Variants in PDE11A observed in about 807,000 individuals in gnomAD.
The protein encoded by PDE11A is phosphodiesterase 11A.
In PDE11A, 100 loss-of-function variants were observed where a neutral mutation model predicts 100.5. The observed-to-expected ratio is 1.00, with a 90% CI of 0.85 to 1.18. PDE11A has a LOEUF of 1.18. PDE11A is among the 50% of genes most tolerant of loss of function. The pLI is 0.00. For synonymous variants in PDE11A, 381 were observed against 420.8 expected (o/e 0.91, Z 1.16); for missense variants, 1,141 against 1,152.6 (o/e 0.99, Z 0.15).
At chr2:177,888,348 T>C (rs1014751531) in intron 4 of PDE11A, among the ~76,000 whole-genome samples, 1 of 152,128 alleles carries the variant, frequency 6.6e-6, no homozygotes, top group Non-Finnish European at 1.5e-5. Context: ...CAGGTATATA[T>C]GGAAACTATA....
intron 15 of PDE11A, 113 bp downstream of exon 15, chr2:177,697,219 G>C (rs2886424): frequency 0.81 from 576,493 of 711,706 alleles, 234,633 homozygotes; most frequent in Admixed American, 0.88. Flanking sequence ...AAGTTTAGCT[G>C]GTTTACACAT....
chr2:178,062,294 G>A (rs1431412006), intron 1 of PDE11A, among the ~76,000 whole-genome samples: 1 of 149,750 alleles, frequency 6.7e-6, no homozygotes, highest in Non-Finnish European at 1.5e-5. Context: ...CAAAGATGGG[G>A]AAGTGAGAGA....
intron 9 of PDE11A, among the ~76,000 whole-genome samples, chr2:177,783,573 A>C (rs1260197853): frequency 6.6e-6 from 1 of 152,236 alleles, no homozygotes; most frequent in Non-Finnish European, 1.5e-5. Flanking sequence ...TATTCCTTGC[A>C]ATATAGGCAA....
intron 4 of PDE11A, among the ~76,000 whole-genome samples, chr2:177,878,556 G>T (rs2084278123): frequency 6.6e-6 from 1 of 152,152 alleles, no homozygotes; most frequent in African/African-American, 2.4e-5. Flanking sequence ...TCCTGCAAAT[G>T]AGGGATTTTT....
Position 178,010,315 on chromosome 2 carries a change from T to C in PDE11A, c.1071+3987A>G, listed in dbSNP as rs13405581. Among the ~76,000 whole-genome samples the C allele has an allele frequency of 9.8e-3, 1,499 of 152,340 alleles. 21 individuals carry two copies. Among genetic ancestry groups the C allele is most frequent in the African/African-American group, 0.034 (1,425 of 41,564 alleles). On this transcript the variant is annotated intron_variant, in intron 2 of 19. Transcript: ENST00000286063. ...ACTTGTAGGCAACATTGAAATTACTTTGGTTGCTGCAGTTTATGCTATTGA... is the reference window on the plus strand; with the variant it reads ...ACTTGTAGGCAACATTGAAATTACTCTGGTTGCTGCAGTTTATGCTATTGA...
intron 10 of PDE11A, among the ~76,000 whole-genome samples, chr2:177,745,654 TG>T (rs2081937445): frequency 6.6e-6 from 1 of 152,182 alleles, no homozygotes; most frequent in Admixed American, 6.5e-5. Context: ...CTGGCCTCTC[TG>T]GGCCACATCA....
chr2:177,890,218 G>T (rs566632227), intron 4 of PDE11A, among the ~76,000 whole-genome samples: 2 of 152,188 alleles, frequency 1.3e-5, no homozygotes, highest in South Asian at 4.2e-4. Context: ...GCAGCTGCAG[G>T]GTGACTTGCC....
At chr2:177,804,184 G>A (rs2082833069) in intron 9 of PDE11A, among the ~76,000 whole-genome samples, 1 of 151,812 alleles carries the variant, frequency 6.6e-6, no homozygotes, top group Admixed American at 6.6e-5. Flanking sequence ...CACAGAATGG[G>A]CAAAAAGTTT....
At chr2:177,857,323 A>T (rs145870880) in intron 5 of PDE11A, among the ~76,000 whole-genome samples, 39 of 152,112 alleles carry the variant, frequency 2.6e-4, no homozygotes, top group African/African-American at 8.7e-4. Flanking sequence ...TGAAATGAAA[A>T]GATACTAGGG....
intron 10 of PDE11A, among the ~76,000 whole-genome samples, chr2:177,763,807 G>A (rs1338791002): frequency 6.6e-6 from 1 of 152,228 alleles, no homozygotes; most frequent in Non-Finnish European, 1.5e-5. Flanking sequence ...GATTGCACAG[G>A]GCGGTGGCTA....
intron 9 of PDE11A, among the ~76,000 whole-genome samples, chr2:177,796,176 A>C (rs1306837857): frequency 6.6e-6 from 1 of 151,898 alleles, no homozygotes; most frequent in Non-Finnish European, 1.5e-5. Flanking sequence ...GAGCCTGGTT[A>C]GTGTCTTTGT....
chr2:177,696,518 G>A (rs868277697), intron 15 of PDE11A, among the ~76,000 whole-genome samples: 1 of 152,246 alleles, frequency 6.6e-6, no homozygotes, highest in South Asian at 2.1e-4. Context: ...TTGAATTTGA[G>A]GAAAGAAATG....
At chr2:177,747,733 T>C (rs1324906855) in intron 10 of PDE11A, among the ~76,000 whole-genome samples, 1 of 152,186 alleles carries the variant, frequency 6.6e-6, no homozygotes, top group Non-Finnish European at 1.5e-5. Context: ...GTATTGCCTG[T>C]AGCATTCGGG....
chr2:177,810,182 C>T (rs1418798661), intron 9 of PDE11A, among the ~76,000 whole-genome samples: 1 of 152,222 alleles, frequency 6.6e-6, no homozygotes, highest in African/African-American at 2.4e-5. Flanking sequence ...CTAAGAGTGA[C>T]TGTCAATTCT....
chr2:177,845,127 G>C (rs1052091150), intron 5 of PDE11A, among the ~76,000 whole-genome samples: 1 of 151,804 alleles, frequency 6.6e-6, no homozygotes, highest in African/African-American at 2.4e-5. Context: ...GGGCAGAGGC[G>C]CTCCTCACCT....
At chr2:177,793,007 C>T (rs2082654026) in intron 9 of PDE11A, among the ~76,000 whole-genome samples, 1 of 152,142 alleles carries the variant, frequency 6.6e-6, no homozygotes, top group Admixed American at 6.5e-5. Context: ...AGACATGATA[C>T]TTAAGCTGAG....
chr2:177,832,744 C>T (rs769915009), intron 6 of PDE11A, among the ~76,000 whole-genome samples: 6 of 152,008 alleles, frequency 3.9e-5, no homozygotes, highest in Non-Finnish European at 5.9e-5. Context: ...AGAAACATTC[C>T]GCTGGTATGG....
At chr2:178,049,989 T>C (rs1290726986) in intron 1 of PDE11A, among the ~76,000 whole-genome samples, 2 of 152,098 alleles carry the variant, frequency 1.3e-5, no homozygotes, top group East Asian at 1.9e-4. Context: ...TCTGACAGCT[T>C]TGAAGAGAGT....
At chr2:178,024,348 G>A (rs1488553424) in intron 1 of PDE11A, among the ~76,000 whole-genome samples, 1 of 152,146 alleles carries the variant, frequency 6.6e-6, no homozygotes, top group Non-Finnish European at 1.5e-5. Flanking sequence ...GGAGGCAGAG[G>A]TTGCAGTGAG....
Sources: allele counts gnomAD v4.1 joint callset (sites outside exome capture counted in the v4.1 genomes callset), GRCh38; gene constraint gnomAD v4.1.1; transcripts MANE v1.5; gene names NCBI Gene and HGNC (gene_info 2026-07-23, HGNC 2026-07-21).